Variants in ORC4 observed in about 807,000 individuals in gnomAD.
ORC4 encodes origin recognition complex subunit 4.
In ORC4, 55 loss-of-function variants were observed where a neutral mutation model predicts 63.9. The observed-to-expected ratio is 0.86, with a 90% CI of 0.69 to 1.08. ORC4 has a LOEUF of 1.08. ORC4 is among the 50% of genes least tolerant of loss of function. The probability of loss-of-function intolerance (pLI) is 0.00; values close to 1 mark genes in which losing one functional copy is unlikely to be tolerated. For missense variants in ORC4, 511 were observed against 504.4 expected (o/e 1.01, Z -0.13); for synonymous variants, 150 against 168.5 (o/e 0.89, Z 0.85).
At chr2:147,980,965 C>T (rs2105369449) in intron 1 of ORC4, among the ~76,000 whole-genome samples, 1 of 152,192 alleles carries the variant, frequency 6.6e-6, no homozygotes, top group African/African-American at 2.4e-5. Context: ...CGGAATCAAC[C>T]TAAGTGTCCA....
rs542571243 is a variant in ORC4 at position 147,986,081 on chromosome 2, T to G, written c.-17-10106A>C. On this transcript the variant is annotated intron_variant, in intron 1 of 13. Transcript: ENST00000392857. ...TCTCTTTGAATGTCTATGTGTACAA[T>G]TTGTATTTTTTTCTGTACACATCTT... Among the ~76,000 whole-genome samples, 3 of 152,318 alleles carry G rather than the reference T, an allele frequency of 2.0e-5. No homozygotes were observed. In the South Asian group the frequency reaches 6.2e-4, roughly 32 times the overall value.
intron 1 of ORC4, among the ~76,000 whole-genome samples, chr2:147,986,776 GACACACACACACAT>G (rs887679060): frequency 4.9e-5 from 5 of 101,308 alleles, no homozygotes; most frequent in African/African-American, 1.4e-4. Context: ...ATTTTATACA[GACACACACACACAT>G]ACACACACAC....
At chr2:147,973,973 A>C (rs887394395) in intron 2 of ORC4, among the ~76,000 whole-genome samples, 6 of 152,156 alleles carry the variant, frequency 3.9e-5, no homozygotes, top group Admixed American at 1.3e-4. Flanking sequence ...TTGGATCTGC[A>C]GCTAATACAG....
intron 8 of ORC4, among the ~76,000 whole-genome samples, chr2:147,949,817 G>A (rs1688853563): frequency 6.6e-6 from 1 of 152,112 alleles, no homozygotes; most frequent in South Asian, 2.1e-4. Context: ...GAGTGGAGAA[G>A]GGAATTCAGG....
intron 10 of ORC4, 98 bp from the exon 11 acceptor site, chr2:147,939,346 G>C: frequency 1.3e-6 from 1 of 744,332 alleles, no homozygotes; most frequent in Admixed American, 1.9e-5. Flanking sequence ...ATTCTTAAGG[G>C]AGAGTAAATA....
At chr2:147,968,206 G>C (rs1295780662) in intron 4 of ORC4, among the ~76,000 whole-genome samples, 4 of 151,890 alleles carry the variant, frequency 2.6e-5, no homozygotes, top group Non-Finnish European at 5.9e-5. Flanking sequence ...AGAAAACATA[G>C]GGGTAATACT....
intron 1 of ORC4, among the ~76,000 whole-genome samples, chr2:148,008,197 A>G (rs1400798045): frequency 2.0e-5 from 3 of 152,232 alleles, no homozygotes; most frequent in African/African-American, 4.8e-5. Context: ...ACAAGCAACA[A>G]GAAATCATCT....
At chr2:147,937,884 C>T (rs1688138736) in intron 13 of ORC4, 1 of 488,132 alleles carries the variant, frequency 2.0e-6, no homozygotes, top group Non-Finnish European at 3.7e-6. Flanking sequence ...AAGGTTATAT[C>T]ACACACTATA....
At chr2:147,984,672 G>A (rs978432686) in intron 1 of ORC4, among the ~76,000 whole-genome samples, 2 of 152,122 alleles carry the variant, frequency 1.3e-5, no homozygotes, top group Non-Finnish European at 2.9e-5. Flanking sequence ...ATTGACAAAG[G>A]ACAAAAATTA....
chr2:147,973,951 G>A (rs1336212853), intron 2 of ORC4, among the ~76,000 whole-genome samples: 2 of 152,154 alleles, frequency 1.3e-5, no homozygotes, highest in African/African-American at 4.8e-5. Flanking sequence ...GACCATTAAA[G>A]TCGTTCCTTT....
At chr2:147,968,769 T>A (rs1690043147) in intron 4 of ORC4, among the ~76,000 whole-genome samples, 1 of 152,028 alleles carries the variant, frequency 6.6e-6, no homozygotes, top group South Asian at 2.1e-4. Context: ...GGTCCAGCAA[T>A]CACACTACTG....
Position 147,948,312 on chromosome 2 carries a change from C to G in ORC4, c.589-88G>C, listed in dbSNP as rs944681197. Reference sequence around the variant, plus strand: ...TACCAATGTTAGAGGTATAAGTAAACTATCACCTATAATTAGTAATGTTTA... The same window carrying G: ...TACCAATGTTAGAGGTATAAGTAAAGTATCACCTATAATTAGTAATGTTTA... On this transcript the variant is annotated intron_variant, in intron 8 of 13. Coordinates refer to ENST00000392857, the MANE Select transcript of ORC4 (RefSeq NM_181741.4). 8.8e-6 allele frequency: 7 copies of G among 795,996 alleles called. No homozygotes were observed. In the Admixed American group the frequency reaches 1.4e-4, roughly 16 times the overall value. 49.3% of individuals were successfully genotyped at this position (795,996 alleles called of 1,614,324 possible). A position where few individuals can be genotyped will look rare whatever the true frequency, so the allele number is the denominator to read the frequency against.
chr2:148,021,489 G>GCTGCTGCTACTGCTGCTGCTGCTA, upstream of ORC4: 8 of 577,568 alleles, frequency 1.4e-5, no homozygotes, highest in South Asian at 1.2e-4. Context: ...TGTTGCTGCT[G>GCTGCTGCTACTGCTGCTGCTGCTA]CTGCTGCTAC....
chr2:147,938,434 A>G (rs371245545), intron 11 of ORC4, 41 bp from the exon 12 acceptor site: 2 of 1,113,194 alleles, frequency 1.8e-6, no homozygotes, highest in African/African-American at 1.5e-5. Flanking sequence ...TTAATGACAT[A>G]TAAGACTGAA....
rs1687915740 is a variant in ORC4, at chr2:147,934,035, T to C, written c.*1475A>G. 6.6e-6 allele frequency: 1 copy of C among 152,228 alleles called. No individual in the cohort carries two copies. The highest frequency in any genetic ancestry group is 1.5e-5 in the Non-Finnish European group (1 of 68,038). The allele number at this position is 152,228 out of a possible 1,614,324, so 9.4% of individuals were successfully genotyped here. A position where few individuals can be genotyped will look rare whatever the true frequency, so the allele number is the denominator to read the frequency against. Reference sequence around the variant, plus strand: ...AAACATTGTTCCTTAGAGCATACTTTAAAAACTATTTGGTAAGGAATCCAC... The same window carrying C: ...AAACATTGTTCCTTAGAGCATACTTCAAAAACTATTTGGTAAGGAATCCAC... On this transcript the variant is annotated 3_prime_UTR_variant, in exon 14 of 14. Transcript: ENST00000392857.
upstream of ORC4, chr2:148,021,463 TTGCTGC>T: frequency 1.7e-6 from 1 of 573,874 alleles, no homozygotes; most frequent in Non-Finnish European, 3.4e-6. Context: ...GCTGCTGCTG[TTGCTGC>T]TGCTGCTGCT....
intron 1 of ORC4, among the ~76,000 whole-genome samples, chr2:148,016,498 A>G (rs1171084929): frequency 6.6e-6 from 1 of 152,210 alleles, no homozygotes; most frequent in Non-Finnish European, 1.5e-5. Context: ...CACACTGCAC[A>G]ACCAACACTT....
chr2:148,002,217 T>C (rs1692358708), intron 1 of ORC4, among the ~76,000 whole-genome samples: 1 of 151,992 alleles, frequency 6.6e-6, no homozygotes. Context: ...GACAGAAAAT[T>C]AACAAGGACA....
rs1204202646 is a variant in ORC4 at position 147,935,064 on chromosome 2, T to G, written c.*446A>C. The G allele has an allele frequency of 1.9e-5, 3 of 160,690 alleles. No individual in the cohort carries two copies. The highest frequency in any genetic ancestry group is 7.2e-5 in the African/African-American group (3 of 41,470). 10.0% of individuals were successfully genotyped at this position (160,690 alleles called of 1,614,324 possible). ...TAGAAAACCTGGGTCTGGGATAGAA[T>G]CCAAAATTTGCATGTGGACAGAAAA... On this transcript the variant is annotated 3_prime_UTR_variant, in exon 14 of 14. Coordinates refer to ENST00000392857, the MANE Select transcript of ORC4 (RefSeq NM_181741.4).
Sources: allele counts gnomAD v4.1 joint callset (sites outside exome capture counted in the v4.1 genomes callset), GRCh38; gene constraint gnomAD v4.1.1; transcripts MANE v1.5; gene names NCBI Gene and HGNC (gene_info 2026-07-23, HGNC 2026-07-21).